KCNH8: variants seen among roughly 807,000 people sequenced by gnomAD.
KCNH8 encodes voltage-gated delayed rectifier potassium channel KCNH8.
KCNH8 carries 70 observed loss-of-function variants against 103.6 expected under a neutral mutation model. The observed-to-expected ratio is 0.68, with a 90% CI of 0.56 to 0.82. The LOEUF is 0.82. KCNH8 is among the 40% of genes least tolerant of loss of function. The probability of loss-of-function intolerance (pLI) is 0.00; values close to 1 mark genes in which losing one functional copy is unlikely to be tolerated. For synonymous variants in KCNH8, 498 were observed against 489.4 expected (o/e 1.02, Z -0.23); for missense variants, 1,217 against 1,329.9 (o/e 0.92, Z 1.32).
At chr3:19,318,890 T>G (rs937460769) in intron 3 of KCNH8, among the ~76,000 whole-genome samples, 1 of 151,960 alleles carries the variant, frequency 6.6e-6, no homozygotes. Context: ...TGACTTGCAT[T>G]TCCCTGATAC....
chr3:19,225,960 A>G (rs9827701), intron 1 of KCNH8, among the ~76,000 whole-genome samples: 9,769 of 152,280 alleles, frequency 0.064, 490 homozygotes, highest in East Asian at 0.2. Context: ...TATGAATTCA[A>G]TGTTTATGAA....
rs561004628 is a variant in KCNH8 at position 19,479,633 on chromosome 3, C to T, written c.2040+22651C>T. The stretch of plus-strand genomic sequence containing the variant: ...ATGGGTGTTATTTACTATTTATGGG[C>T]ACCTCCAGATGAGTCTACAAGAGGA... On this transcript the variant is annotated intron_variant, in intron 11 of 15. Transcript: ENST00000328405. Among the ~76,000 whole-genome samples the T allele has an allele frequency of 2.0e-5, 3 of 152,240 alleles. No individual in the cohort carries two copies. In the East Asian group the frequency reaches 5.8e-4, roughly 30 times the overall value.
intron 3 of KCNH8, among the ~76,000 whole-genome samples, chr3:19,326,683 A>C (rs1039213476): frequency 3.3e-5 from 5 of 151,916 alleles, no homozygotes; most frequent in Non-Finnish European, 1.5e-5. Flanking sequence ...AGGTGGCACT[A>C]CCCTCCTGCT....
chr3:19,488,803 C>G (rs529243669), intron 11 of KCNH8, among the ~76,000 whole-genome samples: 49 of 152,206 alleles, frequency 3.2e-4, no homozygotes, highest in African/African-American at 1.0e-3. Context: ...GCTACTCTAG[C>G]TACTTAGTTG....
chr3:19,430,334 T>A (rs1481306038), intron 7 of KCNH8, among the ~76,000 whole-genome samples: 1 of 152,226 alleles, frequency 6.6e-6, no homozygotes, highest in East Asian at 1.9e-4. Flanking sequence ...GTGTGCCTAT[T>A]CTTGTACTAG....
At chr3:19,165,436 A>G (rs2063273838) in intron 1 of KCNH8, among the ~76,000 whole-genome samples, 1 of 152,192 alleles carries the variant, frequency 6.6e-6, no homozygotes, top group Non-Finnish European at 1.5e-5. Flanking sequence ...AATAATACAA[A>G]CCTATTATTT....
At chr3:19,261,195 C>T (rs775860450) in intron 2 of KCNH8, among the ~76,000 whole-genome samples, 1 of 151,428 alleles carries the variant, frequency 6.6e-6, no homozygotes. Flanking sequence ...ATAATGGCTT[C>T]ACCAATCTAC....
At chr3:19,375,376 C>G (rs1023063349) in intron 5 of KCNH8, among the ~76,000 whole-genome samples, 1 of 150,712 alleles carries the variant, frequency 6.6e-6, no homozygotes, top group Non-Finnish European at 1.5e-5. Context: ...TTGCTGATAC[C>G]CTTTCTTCCA....
At chr3:19,364,499 G>C (rs1323710124) in intron 5 of KCNH8, among the ~76,000 whole-genome samples, 2 of 152,106 alleles carry the variant, frequency 1.3e-5, no homozygotes, top group Admixed American at 6.6e-5. Context: ...TCTTTGACTA[G>C]AAATGAATCA....
At chr3:19,229,222 G>A (rs73182712) in intron 1 of KCNH8, among the ~76,000 whole-genome samples, 1,526 of 152,334 alleles carry the variant, frequency 0.01, 17 homozygotes, top group African/African-American at 0.032. Context: ...TCACAAAATA[G>A]TTGAAGATGC....
chr3:19,493,988 G>A (rs970510136), intron 11 of KCNH8, among the ~76,000 whole-genome samples: 1 of 152,004 alleles, frequency 6.6e-6, no homozygotes, highest in Non-Finnish European at 1.5e-5. Flanking sequence ...TATTTTTTCT[G>A]ATGCTTTGCC....
chr3:19,251,396 G>T (rs575066363), intron 1 of KCNH8, among the ~76,000 whole-genome samples: 1 of 152,088 alleles, frequency 6.6e-6, no homozygotes, highest in African/African-American at 2.4e-5. Flanking sequence ...GCTTTCAGAG[G>T]GGGAGAGTGG....
intron 11 of KCNH8, among the ~76,000 whole-genome samples, chr3:19,495,460 G>A (rs761341339): frequency 3.9e-5 from 6 of 152,052 alleles, no homozygotes; most frequent in Non-Finnish European, 5.9e-5. Flanking sequence ...ATTGAGGAGG[G>A]AGTCCTTTCC....
chr3:19,342,858 C>T (rs1301177007), intron 4 of KCNH8, 144 bp downstream of exon 4: 1 of 698,426 alleles, frequency 1.4e-6, no homozygotes, highest in African/African-American at 1.8e-5. Flanking sequence ...CTATAAAGAA[C>T]AAACTGGAAA....
In KCNH8 at chr3:19,253,700, C is replaced by T. The variant is rs1575471211; in HGVS notation, c.123C>T (p.Pro41=). 11 of 1,613,588 alleles carry T rather than the reference C, an allele frequency of 6.8e-6. No homozygotes were observed. The East Asian group carries it at 2.5e-4, about 36-fold the overall frequency. ...LANAQVAKGF[P]IVYCSDGFCE... ...ATGCCCAGGTGGCTAAGGGTTTCCC[C>T]ATAGTCTACTGTTCCGATGGCTTCT... Residue 41 remains proline (P), a synonymous_variant, in exon 2 of 16, where the codon CCC becomes CCT. Transcript: ENST00000328405.
At chr3:19,501,892 T>A (rs1234027824) in intron 11 of KCNH8, among the ~76,000 whole-genome samples, 3 of 152,108 alleles carry the variant, frequency 2.0e-5, no homozygotes, top group African/African-American at 7.2e-5. Flanking sequence ...CTCTCACCAC[T>A]CCTATTCAAT....
intron 4 of KCNH8, 61 bp from the exon 5 acceptor site, chr3:19,347,664 A>G (rs1005997927): frequency 1.0e-5 from 16 of 1,586,428 alleles, no homozygotes; most frequent in Middle Eastern, 2.2e-4. Flanking sequence ...GTTTCAAGCT[A>G]TGTAATCCTT....
intron 3 of KCNH8, among the ~76,000 whole-genome samples, chr3:19,283,376 ATCTC>A (rs2064782460): frequency 1.3e-5 from 2 of 152,178 alleles, no homozygotes; most frequent in South Asian, 4.1e-4. Context: ...TGTAAAGACT[ATCTC>A]TTGCAAGATT....
intron 3 of KCNH8, among the ~76,000 whole-genome samples, chr3:19,293,141 G>A (rs1298623621): frequency 6.6e-6 from 1 of 152,166 alleles, no homozygotes; most frequent in African/African-American, 2.4e-5. Context: ...CAATGTAGAA[G>A]AATGAGACTT....
Sources: gnomAD v4.1 joint callset for allele counts (sites outside exome capture counted in the v4.1 genomes callset) on GRCh38, gnomAD v4.1.1 for gene constraint, MANE v1.5 for transcripts, NCBI Gene and HGNC (gene_info 2026-07-23, HGNC 2026-07-21) for gene names.